Variants in MAP3K5 observed in about 807,000 individuals in gnomAD.
MAP3K5 encodes the protein mitogen-activated protein kinase kinase kinase 5.
Under a neutral mutation model 158.7 loss-of-function variants are expected in MAP3K5, and 56 were observed. The ratio of observed to expected loss-of-function variants is 0.35; its 90% CI spans 0.28 to 0.44. The LOEUF (loss-of-function observed/expected upper bound fraction) is 0.44. MAP3K5 is among the 20% of genes least tolerant of loss of function. The probability of loss-of-function intolerance (pLI) is 1.00; values close to 1 mark genes in which losing one functional copy is unlikely to be tolerated. For synonymous variants in MAP3K5, 579 were observed against 601.7 expected, an observed-to-expected ratio of 0.96 and a Z score of 0.55; for missense variants, 1,294 against 1,674.8, an observed-to-expected ratio of 0.77 and a Z score of 3.97.
At chr6:136,661,662 T>A (rs1016816618) in intron 8 of MAP3K5, among the ~76,000 whole-genome samples, 1 of 152,138 alleles carries the variant, frequency 6.6e-6, no homozygotes, top group African/African-American at 2.4e-5. Flanking sequence ...CTAGCTGAGA[T>A]AACAGATGCT....
intron 22 of MAP3K5, 36 bp downstream of exon 22, chr6:136,592,401 C>A (rs1583235034): frequency 6.2e-7 from 1 of 1,608,644 alleles, no homozygotes; most frequent in East Asian, 2.2e-5. Context: ...CACTTAACAA[C>A]ACACTTCTCT....
At chr6:136,730,043 G>T (rs535533617) in intron 1 of MAP3K5, among the ~76,000 whole-genome samples, 1 of 152,286 alleles carries the variant, frequency 6.6e-6, no homozygotes, top group African/African-American at 2.4e-5. Context: ...TGCAATCACG[G>T]CTCACTGCAG....
At chr6:136,677,130 C>G (rs1376904227) in intron 7 of MAP3K5, among the ~76,000 whole-genome samples, 3 of 140,562 alleles carry the variant, frequency 2.1e-5, no homozygotes, top group Non-Finnish European at 3.0e-5. Context: ...ATGATGATAT[C>G]CATTTTTTTT....
intron 2 of MAP3K5, among the ~76,000 whole-genome samples, chr6:136,712,116 T>C (rs2114740266): frequency 6.6e-6 from 1 of 152,142 alleles, no homozygotes; most frequent in Middle Eastern, 3.4e-3. Context: ...TAGGTATCTG[T>C]CTCTAAACTG....
chr6:136,664,106 T>C (rs9494552), intron 8 of MAP3K5, among the ~76,000 whole-genome samples: 16,628 of 152,178 alleles, frequency 0.11, 1,645 homozygotes, highest in East Asian at 0.28. Flanking sequence ...TCTTCATCTG[T>C]ATTTACAGCC....
chr6:136,783,717 G>A (rs1475048803), intron 1 of MAP3K5, among the ~76,000 whole-genome samples: 3 of 152,192 alleles, frequency 2.0e-5, no homozygotes, highest in African/African-American at 7.2e-5. Flanking sequence ...TCCTGGGAGG[G>A]GCCATCATTG....
At chr6:136,623,651 A>T (rs1776908810) in intron 14 of MAP3K5, among the ~76,000 whole-genome samples, 1 of 152,226 alleles carries the variant, frequency 6.6e-6, no homozygotes, top group African/African-American at 2.4e-5. Flanking sequence ...GAAAGGATTC[A>T]GTAGAGACCT....
intron 1 of MAP3K5, among the ~76,000 whole-genome samples, chr6:136,772,510 A>G (rs1381329939): frequency 2.6e-5 from 4 of 152,192 alleles, no homozygotes; most frequent in South Asian, 2.1e-4. Context: ...AAATGAATGA[A>G]CAGACAATGA....
At chr6:136,782,362 G>C (rs1411577954) in intron 1 of MAP3K5, among the ~76,000 whole-genome samples, 1 of 151,988 alleles carries the variant, frequency 6.6e-6, no homozygotes, top group Non-Finnish European at 1.5e-5. Flanking sequence ...GAATTCTCTG[G>C]CTTAGGCAAA....
intron 1 of MAP3K5, among the ~76,000 whole-genome samples, chr6:136,760,803 C>G (rs1783716991): frequency 6.6e-6 from 1 of 152,144 alleles, no homozygotes; most frequent in Non-Finnish European, 1.5e-5. Context: ...AACCCTGTCT[C>G]TACTGAACAT....
chr6:136,569,152 T>C (rs760790306), intron 25 of MAP3K5, among the ~76,000 whole-genome samples: 2 of 152,182 alleles, frequency 1.3e-5, no homozygotes, highest in Non-Finnish European at 2.9e-5. Context: ...GACTCTAGTA[T>C]AGCATCCCAT....
chr6:136,598,009 C>T (rs763337420), intron 21 of MAP3K5, among the ~76,000 whole-genome samples: 1 of 152,174 alleles, frequency 6.6e-6, no homozygotes, highest in Non-Finnish European at 1.5e-5. Flanking sequence ...ATCATAGGTC[C>T]AGTGCTGGTC....
intron 28 of MAP3K5, among the ~76,000 whole-genome samples, chr6:136,559,469 A>G (rs1350053636): frequency 1.3e-5 from 2 of 152,290 alleles, no homozygotes; most frequent in African/African-American, 4.8e-5. Flanking sequence ...TCTAATGAAC[A>G]GATGAGACTC....
intron 14 of MAP3K5, 79 bp from the exon 15 acceptor site, chr6:136,623,060 G>C: frequency 7.2e-7 from 1 of 1,384,048 alleles, no homozygotes; most frequent in East Asian, 2.3e-5. Context: ...TTTTCCAAGA[G>C]CATTATTCCT....
intron 4 of MAP3K5, among the ~76,000 whole-genome samples, chr6:136,698,193 C>T (rs1780688377): frequency 1.3e-5 from 2 of 152,158 alleles, no homozygotes; most frequent in South Asian, 4.1e-4. Context: ...CACTAGAAGT[C>T]CCTGGACATT....
At chr6:136,776,352 C>T (rs1380764417) in intron 1 of MAP3K5, among the ~76,000 whole-genome samples, 1 of 152,164 alleles carries the variant, frequency 6.6e-6, no homozygotes, top group African/African-American at 2.4e-5. Context: ...CAAAGTGATC[C>T]TCCCACCTCA....
chr6:136,617,391 C>A (rs1358402020), intron 15 of MAP3K5, among the ~76,000 whole-genome samples: 2 of 152,172 alleles, frequency 1.3e-5, no homozygotes, highest in African/African-American at 4.8e-5. Flanking sequence ...ATCAGAGATA[C>A]TTACATATTT....
chr6:136,784,002 A>C (rs1484820528), intron 1 of MAP3K5, among the ~76,000 whole-genome samples: 8 of 152,238 alleles, frequency 5.3e-5, no homozygotes, highest in Non-Finnish European at 1.0e-4. Context: ...CTGAAACAGG[A>C]AGTAGGGCAC....
At chr6:136,716,057 A>AAAAAAAAAAAAAAAAAAAAAC (rs1377979033) in intron 2 of MAP3K5, among the ~76,000 whole-genome samples, 1 of 143,856 alleles carries the variant, frequency 7.0e-6, no homozygotes, top group Non-Finnish European at 1.5e-5. Flanking sequence ...AAAAAAAAAA[A>AAAAAAAAAAAAAAAAAAAAAC]AAAAAAAAAT....
Sources: allele counts gnomAD v4.1 joint callset (sites outside exome capture counted in the v4.1 genomes callset), GRCh38; gene constraint gnomAD v4.1.1; transcripts MANE v1.5; gene names NCBI Gene and HGNC (gene_info 2026-07-23, HGNC 2026-07-21).